Variants in HMBOX1 observed in about 807,000 individuals in gnomAD.
HMBOX1 encodes homeobox-containing protein 1.
Under a neutral mutation model 54.5 loss-of-function variants are expected in HMBOX1, and 14 were observed. The ratio of observed to expected loss-of-function variants is 0.26; its 90% CI spans 0.17 to 0.40. The LOEUF (loss-of-function observed/expected upper bound fraction) is 0.40, where lower values mean the gene tolerates loss of function less well. HMBOX1 is among the 10% of genes least tolerant of loss of function. The probability of loss-of-function intolerance (pLI) is 1.00; values close to 1 mark genes in which losing one functional copy is unlikely to be tolerated. For missense variants in HMBOX1, 332 were observed against 514.4 expected, an observed-to-expected ratio of 0.65 and a Z score of 3.43; for synonymous variants, 160 against 181.0, an observed-to-expected ratio of 0.88 and a Z score of 0.93.
At chr8:28,949,146 T>C (rs1822975646) in intron 1 of HMBOX1, among the ~76,000 whole-genome samples, 1 of 152,242 alleles carries the variant, frequency 6.6e-6, no homozygotes. Flanking sequence ...GAATAATAGT[T>C]ACACAGACAT....
intron 1 of HMBOX1, among the ~76,000 whole-genome samples, chr8:28,957,882 C>T (rs550054630): frequency 1.4e-4 from 21 of 152,196 alleles, no homozygotes; most frequent in African/African-American, 4.6e-4. Flanking sequence ...CTCAGCCTGT[C>T]GAAGTGCTGG....
intron 1 of HMBOX1, among the ~76,000 whole-genome samples, chr8:28,908,701 G>T (rs1488390311): frequency 6.6e-6 from 1 of 152,178 alleles, no homozygotes; most frequent in Non-Finnish European, 1.5e-5. Flanking sequence ...GTTGCAGTGA[G>T]CCTACAGTGA....
intron 1 of HMBOX1, among the ~76,000 whole-genome samples, chr8:28,947,881 T>TTC (rs1373958107): frequency 2.6e-5 from 4 of 152,332 alleles, no homozygotes; most frequent in Admixed American, 2.6e-4. Context: ...TGATCTTGAA[T>TTC]GCTTTGTCCC....
In HMBOX1 at chr8:29,050,704, G is replaced by C. The variant is rs187540982; in HGVS notation, c.1126-314G>C. 601 of 285,584 alleles carry C rather than the reference G, an allele frequency of 2.1e-3. 3 individuals are homozygous for C. Among genetic ancestry groups the C allele is most frequent in the African/African-American group, 0.012 (544 of 46,078 alleles). 17.7% of individuals were successfully genotyped at this position (285,584 alleles called of 1,614,324 possible). On this transcript the variant is annotated intron_variant, in intron 9 of 9. Coordinates refer to ENST00000287701, the MANE Select transcript of HMBOX1 (RefSeq NM_001135726.3). ...TGTTACAAACAGAAAGATCCAAATT[G>C]TTGGTTTTATATCAATCACTGCAGG...
intron 4 of HMBOX1, among the ~76,000 whole-genome samples, chr8:28,985,176 T>C (rs1563526307): frequency 6.6e-6 from 1 of 152,172 alleles, no homozygotes; most frequent in Non-Finnish European, 1.5e-5. Flanking sequence ...AACTGAAATT[T>C]ATTTCTCACA....
At chr8:29,034,222 A>T (rs931862996) in intron 6 of HMBOX1, among the ~76,000 whole-genome samples, 3 of 152,202 alleles carry the variant, frequency 2.0e-5, no homozygotes, top group Admixed American at 6.5e-5. Context: ...TAGTGGTAGG[A>T]GGCATCTAAA....
intron 4 of HMBOX1, among the ~76,000 whole-genome samples, chr8:28,981,195 T>G (rs928448695): frequency 6.6e-6 from 1 of 152,224 alleles, no homozygotes; most frequent in Admixed American, 6.5e-5. Flanking sequence ...CCCAAGTATC[T>G]AAGGTCAGCC....
intron 3 of HMBOX1, among the ~76,000 whole-genome samples, chr8:28,975,654 T>G (rs1211290185): frequency 6.6e-6 from 1 of 152,148 alleles, no homozygotes; most frequent in Non-Finnish European, 1.5e-5. Context: ...GTATCTTATC[T>G]TGAAGTAAGT....
At chr8:28,911,017 G>C (rs1214565840) in intron 1 of HMBOX1, among the ~76,000 whole-genome samples, 1 of 152,200 alleles carries the variant, frequency 6.6e-6, no homozygotes, top group Non-Finnish European at 1.5e-5. Context: ...GACCACGTCA[G>C]TGTTTCAAAC....
intron 3 of HMBOX1, among the ~76,000 whole-genome samples, chr8:28,974,449 A>C (rs1313731711): frequency 6.6e-6 from 1 of 152,220 alleles, no homozygotes; most frequent in Non-Finnish European, 1.5e-5. Flanking sequence ...GAAATAATTT[A>C]AATGAGGCTT....
intron 2 of HMBOX1, among the ~76,000 whole-genome samples, chr8:28,964,887 T>A (rs1826188075): frequency 6.6e-6 from 1 of 152,208 alleles, no homozygotes; most frequent in East Asian, 1.9e-4. Context: ...AAAAATTTAT[T>A]TGCTAATGGC....
intron 1 of HMBOX1, among the ~76,000 whole-genome samples, chr8:28,910,333 G>A (rs1484742903): frequency 6.6e-6 from 1 of 152,140 alleles, no homozygotes; most frequent in Non-Finnish European, 1.5e-5. Flanking sequence ...TGTTTGGGAT[G>A]TTTCCAGATT....
At chr8:28,985,921 G>T (rs377123228) in intron 4 of HMBOX1, among the ~76,000 whole-genome samples, 1 of 149,538 alleles carries the variant, frequency 6.7e-6, no homozygotes, top group African/African-American at 2.4e-5. Context: ...TACTGTCAAT[G>T]AACCTACACT....
chr8:28,950,441 A>G (rs950812825), intron 1 of HMBOX1, among the ~76,000 whole-genome samples: 3 of 152,268 alleles, frequency 2.0e-5, no homozygotes, highest in Non-Finnish European at 2.9e-5. Flanking sequence ...ATAGGTTCAC[A>G]TGTAACTTAA....
intron 6 of HMBOX1, among the ~76,000 whole-genome samples, chr8:29,022,690 G>A (rs1468880554): frequency 1.3e-5 from 2 of 151,972 alleles, no homozygotes; most frequent in Admixed American, 6.5e-5. Flanking sequence ...ATACAAAGCT[G>A]TCATTTATGT....
intron 5 of HMBOX1, among the ~76,000 whole-genome samples, chr8:29,012,748 G>A (rs1834374856): frequency 6.6e-6 from 1 of 151,874 alleles, no homozygotes; most frequent in Non-Finnish European, 1.5e-5. Context: ...ATAGGAAGGG[G>A]GAGACAGACC....
intron 4 of HMBOX1, among the ~76,000 whole-genome samples, chr8:29,008,789 C>A (rs1408887959): frequency 5.3e-5 from 8 of 152,166 alleles, no homozygotes; most frequent in African/African-American, 2.4e-5. Flanking sequence ...TTAGGAATCT[C>A]TTTATCTCAG....
At chr8:28,927,741 A>G (rs7844394) in intron 1 of HMBOX1, among the ~76,000 whole-genome samples, 151,007 of 151,008 alleles carry the variant, frequency 1, 75,503 homozygotes, top group Non-Finnish European at 1. Context: ...CTTTTATAAA[A>G]AACTACTACT....
intron 1 of HMBOX1, among the ~76,000 whole-genome samples, chr8:28,941,090 G>A (rs1345561382): frequency 6.6e-6 from 1 of 152,090 alleles, no homozygotes; most frequent in Non-Finnish European, 1.5e-5. Flanking sequence ...AGCATGTAAA[G>A]AAAAATTACC....
Sources: allele counts gnomAD v4.1 joint callset (sites outside exome capture counted in the v4.1 genomes callset), GRCh38; gene constraint gnomAD v4.1.1; transcripts MANE v1.5; gene names NCBI Gene and HGNC (gene_info 2026-07-23, HGNC 2026-07-21).